Variants in FHAD1 observed in about 807,000 individuals in gnomAD.
FHAD1 encodes forkhead associated phosphopeptide binding domain 1.
In FHAD1, 146 loss-of-function variants were observed where a neutral mutation model predicts 191.3. That is an observed-to-expected ratio of 0.76 (90% confidence interval 0.67 to 0.88). The LOEUF is 0.88. FHAD1 is among the 40% of genes least tolerant of loss of function. FHAD1 has a pLI of 0.00. For missense variants in FHAD1, 1,635 were observed against 1,785.8 expected, an observed-to-expected ratio of 0.92 and a Z score of 1.52; for synonymous variants, 616 against 672.3, an observed-to-expected ratio of 0.92 and a Z score of 1.29.
chr1:15,355,333 A>T (rs1480965378), intron 20 of FHAD1, among the ~76,000 whole-genome samples: 6 of 152,238 alleles, frequency 3.9e-5, no homozygotes, highest in Non-Finnish European at 8.8e-5. Flanking sequence ...AATCCAAGGA[A>T]ATACAAGTAC....
chr1:15,299,384 GC>G (rs1668030653), intron 5 of FHAD1, among the ~76,000 whole-genome samples: 1 of 152,154 alleles, frequency 6.6e-6, no homozygotes, highest in Non-Finnish European at 1.5e-5. Context: ...TGCTTTTGCA[GC>G]AGGCTGGCTT....
intron 15 of FHAD1, among the ~76,000 whole-genome samples, chr1:15,339,988 G>A (rs552955622): frequency 1.3e-5 from 2 of 152,208 alleles, no homozygotes; most frequent in Non-Finnish European, 1.5e-5. Context: ...ACCATGTGTT[G>A]CTAATTTTTG....
chr1:15,284,336 G>A (rs1054989578), intron 3 of FHAD1, among the ~76,000 whole-genome samples: 2 of 152,046 alleles, frequency 1.3e-5, no homozygotes, highest in Admixed American at 1.3e-4. Context: ...AAAATTAGCC[G>A]GGCATGGTGG....
In FHAD1 at chr1:15,333,906, C is replaced by T. The variant is rs974811703; in HGVS notation, c.1906+4365C>T. On this transcript the variant is annotated intron_variant, in intron 14 of 33. Transcript: ENST00000688493. ...GGAGTGCAGTGGCATGATTTCAGCT[C>T]ATTGCAATCTCCATCTCCCAGGCTC... is the stretch of plus-strand genomic sequence containing the variant. 4.5e-5 allele frequency among the ~76,000 whole-genome samples: 6 copies of T among 132,648 alleles called. No homozygotes were observed. The East Asian group carries it at 1.4e-3, about 32-fold the overall frequency. The allele number at this position is 132,648 out of a possible 152,430, so 87.0% of individuals were successfully genotyped here.
At chr1:15,353,420 G>A (rs546414436) in intron 20 of FHAD1, among the ~76,000 whole-genome samples, 28 of 152,252 alleles carry the variant, frequency 1.8e-4, no homozygotes, top group Non-Finnish European at 4.0e-4. Context: ...GAGAGGAGAT[G>A]TTGGCTGGGC....
chr1:15,300,919 T>G (rs1172361789), intron 5 of FHAD1, among the ~76,000 whole-genome samples: 1 of 152,154 alleles, frequency 6.6e-6, no homozygotes, highest in Admixed American at 6.6e-5. Flanking sequence ...AACCTCTGCC[T>G]CCCGGGTTCA....
rs76852138 is a variant in FHAD1 at position 15,260,437 on chromosome 1, G to A, written c.93+8560G>A. ...TATCTCACAGTTCCTTAAGTCAGAAGTCTGAGTGGACTCAGCTGGTTCCTC... is the reference window on the plus strand; with the variant it reads ...TATCTCACAGTTCCTTAAGTCAGAAATCTGAGTGGACTCAGCTGGTTCCTC... On this transcript the variant is annotated intron_variant, in intron 2 of 33. Transcript: ENST00000688493. 9.6e-4 allele frequency among the ~76,000 whole-genome samples: 146 copies of A among 152,348 alleles called. 3 individuals are homozygous for A. The East Asian group carries it at 0.027, about 28-fold the overall frequency.
chr1:15,278,475 C>CT (rs34110532), intron 3 of FHAD1, among the ~76,000 whole-genome samples: 17,238 of 124,334 alleles, frequency 0.14, 1,619 homozygotes, highest in South Asian at 0.3. Flanking sequence ...TTCATTACCT[C>CT]TTTTTTTTTT....
intron 2 of FHAD1, among the ~76,000 whole-genome samples, chr1:15,267,216 A>C (rs1557955386): frequency 6.6e-6 from 1 of 151,890 alleles, no homozygotes; most frequent in African/African-American, 2.4e-5. Flanking sequence ...ATATCTCCCC[A>C]TTTTTTTTCT....
chr1:15,247,868 G>T (rs2100699533), intron 1 of FHAD1, among the ~76,000 whole-genome samples: 1 of 152,294 alleles, frequency 6.6e-6, no homozygotes, highest in East Asian at 1.9e-4. Flanking sequence ...CTATAAGCAG[G>T]GAGTGCAGAT....
Position 15,381,394 on chromosome 1 carries a change from A to T in FHAD1, c.3965A>T (p.Gln1322Leu). 1 of 1,551,828 alleles carries T rather than the reference A, an allele frequency of 6.4e-7. No homozygotes were observed. Among genetic ancestry groups the T allele is most frequent in the Non-Finnish European group, 8.7e-7 (1 of 1,147,014 alleles). ...GATAAGATCACCCAACTCAAGAACCAGCTGGGGAGGAAAGAGGAGCTGTTG... is the reference window on the plus strand; with the variant it reads ...GATAAGATCACCCAACTCAAGAACCTGCTGGGGAGGAAAGAGGAGCTGTTG... ...VFDKITQLKN[Q>L]LGRKEELLRG... The change falls in exon 30 of 34, where the codon CAG (glutamine) becomes CTG (leucine). Residue 1322 changes from glutamine to leucine, a missense_variant. Coordinates refer to ENST00000688493, the MANE Select transcript of FHAD1 (RefSeq NM_001391957.1). This position sits in a 1 kb window ranked among gnomAD's most constrained non-coding sequence, Gnocchi z 4.6.
chr1:15,391,778 C>T (rs890357530), intron 33 of FHAD1, among the ~76,000 whole-genome samples: 3 of 152,216 alleles, frequency 2.0e-5, no homozygotes, highest in Non-Finnish European at 4.4e-5. Context: ...GAAGCCTCTT[C>T]TTAACTGACA....
At chr1:15,261,405 A>G (rs1423663749) in intron 2 of FHAD1, among the ~76,000 whole-genome samples, 9 of 152,130 alleles carry the variant, frequency 5.9e-5, no homozygotes, top group African/African-American at 2.2e-4. Flanking sequence ...TCGCTGCTCT[A>G]TCATGAGTGC....
At chr1:15,237,176 A>G (rs914938948) in intron 1 of FHAD1, among the ~76,000 whole-genome samples, 17 of 152,192 alleles carry the variant, frequency 1.1e-4, no homozygotes, top group African/African-American at 4.1e-4. Context: ...AGCATGGACT[A>G]ATACAGGCTC....
At chr1:15,364,270 C>G (rs544354534) in intron 23 of FHAD1, 61 of 156,262 alleles carry the variant, frequency 3.9e-4, no homozygotes, top group African/African-American at 1.3e-3. Flanking sequence ...TGACATGCAA[C>G]CTGCCAGTGT....
intron 22 of FHAD1, among the ~76,000 whole-genome samples, chr1:15,362,133 C>G (rs778732531): frequency 6.6e-6 from 1 of 152,140 alleles, no homozygotes; most frequent in Non-Finnish European, 1.5e-5. Context: ...GTACTTAGAC[C>G]AGTATGCACT....
chr1:15,301,057 T>G, intron 5 of FHAD1, 148 bp from the exon 6 acceptor site: 1 of 630,430 alleles, frequency 1.6e-6, no homozygotes, highest in South Asian at 2.0e-5. Context: ...CTCGAACTCC[T>G]GACCTCAGGC....
chr1:15,338,592 G>C (rs1685222759), intron 14 of FHAD1, among the ~76,000 whole-genome samples: 1 of 152,148 alleles, frequency 6.6e-6, no homozygotes, highest in Admixed American at 6.5e-5. Context: ...CAGGGATTCG[G>C]ACCTGGAATC....
intron 2 of FHAD1, among the ~76,000 whole-genome samples, chr1:15,271,262 G>A (rs7549875): frequency 0.61 from 91,717 of 151,106 alleles, 28,153 homozygotes; most frequent in East Asian, 0.83. Context: ...GCAGTGAGCC[G>A]AGATCGTGCC....
Sources: allele counts gnomAD v4.1 joint callset (sites outside exome capture counted in the v4.1 genomes callset), GRCh38; gene constraint gnomAD v4.1.1; non-coding constraint Gnocchi (gnomAD v3.1); transcripts MANE v1.5; gene names NCBI Gene and HGNC (gene_info 2026-07-23, HGNC 2026-07-21).